ADAMTS3: variants seen among roughly 807,000 people sequenced by gnomAD.
ADAMTS3 encodes ADAM metallopeptidase with thrombospondin type 1 motif 3.
A neutral mutation model predicts 129.0 loss-of-function variants in ADAMTS3; 73 were observed. That is an observed-to-expected ratio of 0.57 (90% CI 0.47 to 0.69). ADAMTS3 has a LOEUF of 0.69. Among genes scored for constraint, ADAMTS3 ranks in the 30% least tolerant of loss-of-function variants. The probability of loss-of-function intolerance (pLI) is 0.00; values close to 1 mark genes in which losing one functional copy is unlikely to be tolerated. For synonymous variants in ADAMTS3, 477 were observed against 510.8 expected, an observed-to-expected ratio of 0.93 and a Z score of 0.89; for missense variants, 1,457 against 1,514.5, an observed-to-expected ratio of 0.96 and a Z score of 0.63.
intron 4 of ADAMTS3, among the ~76,000 whole-genome samples, chr4:72,408,999 G>T (rs1273115405): frequency 1.3e-5 from 2 of 151,800 alleles, no homozygotes; most frequent in East Asian, 3.9e-4. Context: ...AAACTACCAG[G>T]TCACGTGTAT....
At chr4:72,362,051 A>G (rs1720742631) in intron 4 of ADAMTS3, among the ~76,000 whole-genome samples, 1 of 152,054 alleles carries the variant, frequency 6.6e-6, no homozygotes, top group Admixed American at 6.6e-5. Flanking sequence ...CTAATTTGGA[A>G]GTCTCAAGTG....
intron 3 of ADAMTS3, among the ~76,000 whole-genome samples, chr4:72,426,833 G>C (rs1722586817): frequency 6.6e-6 from 1 of 152,088 alleles, no homozygotes. Context: ...GGTCAAGACT[G>C]CAGTGAGCCA....
At chr4:72,492,901 C>T (rs1267040795) in intron 3 of ADAMTS3, among the ~76,000 whole-genome samples, 2 of 151,758 alleles carry the variant, frequency 1.3e-5, no homozygotes, top group South Asian at 2.1e-4. Flanking sequence ...TATTTAGATG[C>T]TGTGATATTT....
chr4:72,513,864 C>G (rs1720381130), intron 3 of ADAMTS3, among the ~76,000 whole-genome samples: 1 of 152,084 alleles, frequency 6.6e-6, no homozygotes, highest in South Asian at 2.1e-4. Flanking sequence ...TTAGAGTCCC[C>G]AGTGTCTGTT....
rs374282323 is a variant in ADAMTS3 at position 72,455,910 on chromosome 4, GTA to G, written c.505-40941_505-40940del. Among the ~76,000 whole-genome samples, 324 of 55,014 alleles carry G rather than the reference GTA, an allele frequency of 5.9e-3. 3 individuals are homozygous for G. The highest frequency in any genetic ancestry group is 0.019 in the African/African-American group (219 of 11,694). The allele number at this position is 55,014 out of a possible 152,430, so 36.1% of individuals were successfully genotyped here. A position where few individuals can be genotyped will look rare whatever the true frequency, so the allele number is the denominator to read the frequency against. ...ATATTTTATATATAGTATATACACT[GTA>G]TATATACTATATATATTTTATATAT... On this transcript the variant is annotated intron_variant, in intron 3 of 21. Coordinates refer to ENST00000286657, the MANE Select transcript of ADAMTS3 (RefSeq NM_014243.3).
chr4:72,295,857 A>C, intron 18 of ADAMTS3, 71 bp from the exon 19 acceptor site: 1 of 1,526,326 alleles, frequency 6.6e-7, no homozygotes, highest in East Asian at 2.3e-5. Context: ...TTATTCACTT[A>C]CTCATTCATA....
intron 3 of ADAMTS3, among the ~76,000 whole-genome samples, chr4:72,499,142 T>C (rs888049539): frequency 2.0e-5 from 3 of 152,136 alleles, no homozygotes; most frequent in Non-Finnish European, 2.9e-5. Flanking sequence ...ATCACAGATC[T>C]GGAATCTGAA....
At chr4:72,381,793 T>C (rs1283606944) in intron 4 of ADAMTS3, among the ~76,000 whole-genome samples, 1 of 152,118 alleles carries the variant, frequency 6.6e-6, no homozygotes, top group Non-Finnish European at 1.5e-5. Flanking sequence ...AAGGCTAGGA[T>C]CTACACACCA....
At chr4:72,350,275 A>T (rs560632829) in intron 4 of ADAMTS3, among the ~76,000 whole-genome samples, 50 of 152,218 alleles carry the variant, frequency 3.3e-4, no homozygotes, top group Admixed American at 2.9e-3. Flanking sequence ...ATTCTCTGAA[A>T]TAGTATCGAC....
chr4:72,500,239 C>G (rs1234818846), intron 3 of ADAMTS3, among the ~76,000 whole-genome samples: 1 of 152,140 alleles, frequency 6.6e-6, no homozygotes. Flanking sequence ...TTCCCACTAA[C>G]AGTGTATAAG....
chr4:72,552,205 A>C, intron 2 of ADAMTS3, among the ~76,000 whole-genome samples: 1 of 152,220 alleles, frequency 6.6e-6, no homozygotes, highest in East Asian at 1.9e-4. Context: ...GAAAGCACTA[A>C]GTTGAGTCCA....
chr4:72,562,587 C>G (rs952416293), intron 2 of ADAMTS3, among the ~76,000 whole-genome samples: 8 of 151,934 alleles, frequency 5.3e-5, no homozygotes, highest in African/African-American at 1.9e-4. Context: ...AACAGTTATA[C>G]AAAAAATACA....
At chr4:72,407,193 G>C (rs995155150) in intron 4 of ADAMTS3, among the ~76,000 whole-genome samples, 3 of 151,912 alleles carry the variant, frequency 2.0e-5, no homozygotes, top group African/African-American at 7.3e-5. Context: ...ACTAAATGAG[G>C]AAAGACAATG....
At chr4:72,313,617 T>C in intron 12 of ADAMTS3, 60 bp downstream of exon 12, 1 of 1,553,562 alleles carries the variant, frequency 6.4e-7, no homozygotes, top group Non-Finnish European at 8.8e-7. Flanking sequence ...ACTAATAACA[T>C]AATATTGAAG....
intron 3 of ADAMTS3, among the ~76,000 whole-genome samples, chr4:72,419,898 G>A (rs1722400859): frequency 6.6e-6 from 1 of 152,056 alleles, no homozygotes; most frequent in African/African-American, 2.4e-5. Flanking sequence ...AAATAAAAAA[G>A]AATGTTGATC....
chr4:72,510,793 T>G (rs1286077108), intron 3 of ADAMTS3, among the ~76,000 whole-genome samples: 5 of 111,510 alleles, frequency 4.5e-5, no homozygotes, highest in Middle Eastern at 6.3e-3. Flanking sequence ...ACAAAAGACC[T>G]GGAATAGCCA....
chr4:72,396,463 A>G (rs1354635700), intron 4 of ADAMTS3, among the ~76,000 whole-genome samples: 4 of 152,130 alleles, frequency 2.6e-5, no homozygotes, highest in South Asian at 2.1e-4. Context: ...ACTTTCAGAG[A>G]AAAAAAAGAA....
At chr4:72,541,902 C>T (rs1721337736) in intron 3 of ADAMTS3, among the ~76,000 whole-genome samples, 1 of 152,110 alleles carries the variant, frequency 6.6e-6, no homozygotes, top group African/African-American at 2.4e-5. Context: ...GACTAATATA[C>T]ACCCTAAATG....
chr4:72,480,518 G>A (rs912780175), intron 3 of ADAMTS3, among the ~76,000 whole-genome samples: 15 of 151,984 alleles, frequency 9.9e-5, no homozygotes, highest in Middle Eastern at 3.4e-3. Context: ...ACACAGGAAG[G>A]GGAACATAAC....
Sources: allele counts gnomAD v4.1 joint callset (sites outside exome capture counted in the v4.1 genomes callset), GRCh38; gene constraint gnomAD v4.1.1; transcripts MANE v1.5; gene names NCBI Gene and HGNC (gene_info 2026-07-23, HGNC 2026-07-21).